LUC7L3: variants seen among roughly 807,000 people sequenced by gnomAD.
The protein encoded by LUC7L3 is luc7-like protein 3.
Under a neutral mutation model 66.8 loss-of-function variants are expected in LUC7L3, and 6 were observed. That is an observed-to-expected ratio of 0.09 (90% CI 0.05 to 0.18). LUC7L3 has a LOEUF of 0.18. Ranked by LOEUF, LUC7L3 falls within the 10% of genes least tolerant of loss-of-function variation. The pLI is 1.00. For missense variants in LUC7L3, 341 were observed against 531.1 expected, an observed-to-expected ratio of 0.64 and a Z score of 3.52; for synonymous variants, 160 against 174.7, an observed-to-expected ratio of 0.92 and a Z score of 0.66.
rs763690228 is a variant in LUC7L3 at position 50,749,445 on chromosome 17, T to G, written c.1139-1056T>G. 14 of 1,055,922 alleles carry G rather than the reference T, an allele frequency of 1.3e-5. No homozygotes were observed. In the South Asian group the frequency reaches 2.1e-4, roughly 16 times the overall value. 65.4% of individuals were successfully genotyped at this position (1,055,922 alleles called of 1,614,324 possible). A position where few individuals can be genotyped will look rare whatever the true frequency, so the allele number is the denominator to read the frequency against. ...TACTTGGACATTGCTTTGTGTATTA[T>G]GCAAGTGTTACGGACTAAATATGCT... On this transcript the variant is annotated intron_variant, in intron 9 of 9. Coordinates refer to ENST00000505658, the MANE Select transcript of LUC7L3 (RefSeq NM_016424.5).
intron 5 of LUC7L3, among the ~76,000 whole-genome samples, chr17:50,742,065 G>C (rs1472437430): frequency 6.6e-6 from 1 of 151,888 alleles, no homozygotes; most frequent in Non-Finnish European, 1.5e-5. Context: ...AACAGAGTGA[G>C]ACCTCGTCTT....
chr17:50,728,587 C>T (rs1969353930), intron 1 of LUC7L3, among the ~76,000 whole-genome samples: 3 of 152,040 alleles, frequency 2.0e-5, no homozygotes, highest in Non-Finnish European at 2.9e-5. Context: ...GAGTCTTGAT[C>T]TGTTGTCTAG....
intron 1 of LUC7L3, among the ~76,000 whole-genome samples, chr17:50,730,498 G>GT (rs2146711862): frequency 1.2e-5 from 1 of 85,472 alleles, no homozygotes; most frequent in East Asian, 3.5e-4. Flanking sequence ...CTGGGCGACA[G>GT]TAAGACTCTG....
At chr17:50,729,321 A>T (rs1969411372) in intron 1 of LUC7L3, among the ~76,000 whole-genome samples, 1 of 152,208 alleles carries the variant, frequency 6.6e-6, no homozygotes, top group South Asian at 2.1e-4. Context: ...ATTCAGTTCC[A>T]ACACAATAAT....
chr17:50,741,262 T>C lies in LUC7L3; in HGVS notation c.351+16T>C. ...GTCTTCTGGGGTAAGTGAAGTCAAT[T>C]CAGTCTTTGTAAACGGTCCTTGTTT... On this transcript the variant is annotated intron_variant, in intron 4 of 9. Transcript: ENST00000505658. 6.2e-7 allele frequency: 1 copy of C among 1,612,144 alleles called. No individual in the cohort carries two copies. The highest frequency in any genetic ancestry group is 8.5e-7 in the Non-Finnish European group (1 of 1,178,980).
rs1969661347 is a variant in LUC7L3 at position 50,732,348 on chromosome 17, A to G, written c.100-4612A>G. On this transcript the variant is annotated intron_variant, in intron 1 of 9. Transcript: ENST00000505658. ...CTTTTTCTTCCAATTTAGCAAATGT[A>G]CACAGTTTAATCTTTACAATCCCAC... is the stretch of plus-strand genomic sequence containing the variant. Among the ~76,000 whole-genome samples the G allele has an allele frequency of 2.6e-5, 4 of 152,168 alleles. No individual in the cohort carries two copies. In the South Asian group the frequency reaches 6.2e-4, roughly 24 times the overall value.
At chr17:50,726,960 G>A (rs572716983) in intron 1 of LUC7L3, among the ~76,000 whole-genome samples, 1 of 151,990 alleles carries the variant, frequency 6.6e-6, no homozygotes, top group Non-Finnish European at 1.5e-5. Context: ...GTTGTGGCCG[G>A]TGCTTGTAAT....
At chr17:50,732,652 G>C (rs1266615729) in intron 1 of LUC7L3, among the ~76,000 whole-genome samples, 1 of 151,768 alleles carries the variant, frequency 6.6e-6, no homozygotes, top group East Asian at 1.9e-4. Context: ...AAAATGCTGG[G>C]ATTACAGGCA....
intron 5 of LUC7L3, among the ~76,000 whole-genome samples, chr17:50,742,291 C>T (rs909607418): frequency 1.3e-5 from 2 of 152,154 alleles, no homozygotes; most frequent in African/African-American, 4.8e-5. Context: ...TATTGCACAA[C>T]CACTTTGGAA....
At chr17:50,736,815 A>G (rs1970013489) in intron 1 of LUC7L3, 145 bp from the exon 2 acceptor site, 1 of 611,238 alleles carries the variant, frequency 1.6e-6, no homozygotes, top group South Asian at 2.0e-5. Flanking sequence ...TCACTAATTT[A>G]CCTAATATGA....
rs1970557983 is a variant in LUC7L3, at chr17:50,744,668, C to T, written c.548C>T (p.Ala183Val). ...RSTTSTIESF[A>V]AQEKQMEVCE... ...TCATTTTAGACAATTGAAAGCTTTG[C>T]TGCACAAGAAAAACAAATGGAAGTT... The change falls in exon 7 of 10, where the codon GCT becomes GTT. Residue 183 changes from alanine (A) to valine (V), a missense_variant. Physicochemically the swap from Ala to Val is moderately conservative, Grantham distance 64 (BLOSUM62 0). Coordinates refer to ENST00000505658, the MANE Select transcript of LUC7L3 (RefSeq NM_016424.5). 1 of 1,612,940 alleles carries T rather than the reference C, an allele frequency of 6.2e-7. No homozygotes were observed.
At position 50,754,089 on chromosome 17, in the gene LUC7L3, A is replaced by G. The variant is rs1165814554; in HGVS notation, c.*3428A>G. ...AATCCAGTATTGAGACCAGTTCACT[A>G]GAAGAAACAAACATTTCTGCCATGC... On this transcript the variant is annotated 3_prime_UTR_variant, in exon 10 of 10. Coordinates refer to ENST00000505658, the MANE Select transcript of LUC7L3 (RefSeq NM_016424.5). 1.3e-5 allele frequency: 2 copies of G among 152,244 alleles called. No individual in the cohort carries two copies. The highest frequency in any genetic ancestry group is 6.5e-5 in the Admixed American group (1 of 15,286). The allele number at this position is 152,244 out of a possible 1,614,324, so 9.4% of individuals were successfully genotyped here.
intron 1 of LUC7L3, among the ~76,000 whole-genome samples, chr17:50,732,759 A>ACAGGTTG (rs1969702614): frequency 6.6e-6 from 1 of 151,800 alleles, no homozygotes; most frequent in African/African-American, 2.4e-5. Flanking sequence ...TCTTTTTTAG[A>ACAGGTTG]CAGGTTGCGT....
chr17:50,725,357 C>T (rs898140347), intron 1 of LUC7L3, among the ~76,000 whole-genome samples: 2 of 152,064 alleles, frequency 1.3e-5, no homozygotes, highest in Non-Finnish European at 2.9e-5. Flanking sequence ...TTGCAGTGAG[C>T]CGAGATCACG....
At chr17:50,720,400 G>C (rs1968668166) in intron 1 of LUC7L3, among the ~76,000 whole-genome samples, 1 of 152,224 alleles carries the variant, frequency 6.6e-6, no homozygotes, top group Non-Finnish European at 1.5e-5. Context: ...AGCTGTCAAG[G>C]TTTTTTCTTC....
intron 1 of LUC7L3, among the ~76,000 whole-genome samples, chr17:50,730,560 G>A (rs1021495101): frequency 8.0e-5 from 11 of 138,170 alleles, no homozygotes; most frequent in African/African-American, 3.0e-4. Context: ...AGTGCAGACA[G>A]CATTGAAAAT....
Position 50,734,059 on chromosome 17 carries a change from A to G in LUC7L3, c.100-2901A>G, listed in dbSNP as rs924669769. ...ATCATATGGCATCACAAGCAGTGGAACTTCAGAAATAATTTTTAAAAACAT... is the reference window on the plus strand; with the variant it reads ...ATCATATGGCATCACAAGCAGTGGAGCTTCAGAAATAATTTTTAAAAACAT... On this transcript the variant is annotated intron_variant, in intron 1 of 9. Coordinates refer to ENST00000505658, the MANE Select transcript of LUC7L3 (RefSeq NM_016424.5). Among the ~76,000 whole-genome samples the G allele has an allele frequency of 3.9e-5, 6 of 152,338 alleles. No individual in the cohort carries two copies. In the East Asian group the frequency reaches 1.2e-3, roughly 29 times the overall value.
In LUC7L3 at chr17:50,751,393, C is replaced by T; in HGVS notation, c.*732C>T. On this transcript the variant is annotated 3_prime_UTR_variant, in exon 10 of 10. Transcript: ENST00000505658. Reference sequence around the variant, plus strand: ...CATGCCAGGTACTCCTTTCTCTACCCACATCCATGTTTGAATGCTATTGCC... The same window carrying T: ...CATGCCAGGTACTCCTTTCTCTACCTACATCCATGTTTGAATGCTATTGCC... The T allele has an allele frequency of 1.5e-6, 2 of 1,291,332 alleles. No individual in the cohort carries two copies. The highest frequency in any genetic ancestry group is 2.0e-6 in the Non-Finnish European group (2 of 990,100). 80.0% of individuals were successfully genotyped at this position (1,291,332 alleles called of 1,614,324 possible).
Position 50,741,706 on chromosome 17 carries a change from A to T in LUC7L3, c.401A>T (p.Asp134Val). The T allele has an allele frequency of 6.2e-7, 1 of 1,613,972 alleles. No individual in the cohort carries two copies. The highest frequency in any genetic ancestry group is 8.5e-7 in the Non-Finnish European group (1 of 1,179,840). ...KNEEKIQVLT[D>V]KIDVLLQQIE... ...GAAGAAAAAATTCAGGTTCTAACAG[A>T]CAAAATTGATGTACTTCTGCAACAG... Residue 134 changes from aspartate to valine, a missense_variant, in exon 5 of 10, where the codon GAC becomes GTC. Physicochemically the swap from Asp to Val is radical, Grantham distance 152. Around this residue, in one of 6 missense-constraint regions of LUC7L3, gnomAD observed 86 missense variants for 172.0 expected, o/e 0.50. Coordinates refer to ENST00000505658, the MANE Select transcript of LUC7L3 (RefSeq NM_016424.5).
Sources: gnomAD v4.1 joint callset for allele counts (sites outside exome capture counted in the v4.1 genomes callset) on GRCh38, gnomAD v4.1.1 for gene constraint, gnomAD v4.1.1 regional missense constraint, MANE v1.5 for transcripts, NCBI Gene and HGNC (gene_info 2026-07-23, HGNC 2026-07-21) for gene names.